EPHA3: variants seen among roughly 807,000 people sequenced by gnomAD.
EPHA3 encodes the protein EPH receptor A3.
EPHA3 carries 42 observed loss-of-function variants against 107.1 expected under a neutral mutation model. The ratio of observed to expected loss-of-function variants is 0.39; its 90% CI spans 0.31 to 0.51. The LOEUF (loss-of-function observed/expected upper bound fraction) is 0.51. Among genes scored for constraint, EPHA3 ranks in the 20% least tolerant of loss-of-function variants. EPHA3 has a pLI of 0.78. For synonymous variants in EPHA3, 461 were observed against 424.8 expected (o/e 1.09, Z -1.05); for missense variants, 1,183 against 1,211.2 (o/e 0.98, Z 0.35).
intron 3 of EPHA3, among the ~76,000 whole-genome samples, chr3:89,337,003 T>C (rs1361841036): frequency 6.6e-6 from 1 of 150,748 alleles, no homozygotes; most frequent in African/African-American, 2.4e-5. Context: ...TGAGCTGTCA[T>C]CATGCCTCTG....
intron 3 of EPHA3, among the ~76,000 whole-genome samples, chr3:89,211,811 TC>T (rs1704106046): frequency 2.0e-5 from 2 of 98,088 alleles, no homozygotes; most frequent in African/African-American, 5.2e-5. Flanking sequence ...TTCTTCTTCT[TC>T]TTCTTCTCCT....
intron 3 of EPHA3, among the ~76,000 whole-genome samples, chr3:89,232,181 T>A (rs1328252835): frequency 1.3e-5 from 2 of 152,082 alleles, no homozygotes; most frequent in Non-Finnish European, 2.9e-5. Flanking sequence ...GAGACTAAAA[T>A]AACACATATT....
At chr3:89,429,045 A>G in intron 11 of EPHA3, 61 bp from the exon 12 acceptor site, 7 of 1,151,624 alleles carry the variant, frequency 6.1e-6, no homozygotes, top group Admixed American at 1.8e-5. Flanking sequence ...TATATTATAT[A>G]TGTTCATTGT....
intron 2 of EPHA3, among the ~76,000 whole-genome samples, chr3:89,206,549 T>G (rs1220037457): frequency 6.6e-6 from 1 of 152,194 alleles, no homozygotes; most frequent in African/African-American, 2.4e-5. Context: ...GCTACATCTG[T>G]ACTTTAAAAT....
chr3:89,303,956 G>C (rs1706551318), intron 3 of EPHA3, among the ~76,000 whole-genome samples: 1 of 152,048 alleles, frequency 6.6e-6, no homozygotes, highest in Non-Finnish European at 1.5e-5. Context: ...CATTCTGTGT[G>C]GGTTTTGAAC....
chr3:89,124,002 T>A (rs1704029820), intron 1 of EPHA3, among the ~76,000 whole-genome samples: 1 of 152,198 alleles, frequency 6.6e-6, no homozygotes, highest in South Asian at 2.1e-4. Context: ...TATGTTCCTA[T>A]CTAGCCTTAA....
chr3:89,422,634 A>C (rs1709373409), intron 11 of EPHA3, among the ~76,000 whole-genome samples: 1 of 151,474 alleles, frequency 6.6e-6, no homozygotes, highest in Admixed American at 6.6e-5. Flanking sequence ...AGAACTGTGC[A>C]AATCTAAATT....
intron 2 of EPHA3, among the ~76,000 whole-genome samples, chr3:89,191,473 A>T (rs1033926634): frequency 1.3e-5 from 2 of 151,702 alleles, no homozygotes; most frequent in African/African-American, 4.8e-5. Flanking sequence ...CGCCCGGCTA[A>T]TTTTTTGTAT....
chr3:89,296,020 C>T (rs1327532524), intron 3 of EPHA3, among the ~76,000 whole-genome samples: 1 of 152,186 alleles, frequency 6.6e-6, no homozygotes, highest in East Asian at 1.9e-4. Context: ...AAGATTGTAG[C>T]ACTTCAGACA....
At chr3:89,148,962 A>G (rs1369530816) in intron 2 of EPHA3, among the ~76,000 whole-genome samples, 1 of 152,070 alleles carries the variant, frequency 6.6e-6, no homozygotes, top group Non-Finnish European at 1.5e-5. Flanking sequence ...AAAAATAGAC[A>G]TCAGGAACCT....
chr3:89,326,981 G>A (rs1238814949), intron 3 of EPHA3, among the ~76,000 whole-genome samples: 1 of 152,026 alleles, frequency 6.6e-6, no homozygotes, highest in Non-Finnish European at 1.5e-5. Flanking sequence ...GAATTGCTGT[G>A]GAGAGATGAA....
At chr3:89,453,157 T>G (rs73846173) in intron 15 of EPHA3, among the ~76,000 whole-genome samples, 4,937 of 152,170 alleles carry the variant, frequency 0.032, 271 homozygotes, top group African/African-American at 0.11. Flanking sequence ...CATATGGTCC[T>G]CATTCTGTAC....
At chr3:89,359,188 G>A (rs1483826645) in intron 5 of EPHA3, among the ~76,000 whole-genome samples, 2 of 151,044 alleles carry the variant, frequency 1.3e-5, no homozygotes, top group East Asian at 3.9e-4. Context: ...CTAAAGTTTA[G>A]AAATGTTTAG....
chr3:89,386,929 C>A (rs1453122789), intron 5 of EPHA3, among the ~76,000 whole-genome samples: 3 of 152,134 alleles, frequency 2.0e-5, no homozygotes, highest in African/African-American at 7.2e-5. Context: ...TTTGTTTTGG[C>A]CAACTTATTT....
At chr3:89,303,277 C>T (rs984430407) in intron 3 of EPHA3, among the ~76,000 whole-genome samples, 4 of 151,892 alleles carry the variant, frequency 2.6e-5, no homozygotes, top group African/African-American at 9.7e-5. Flanking sequence ...CTCCTTATTG[C>T]TTTTTCTATT....
chr3:89,356,082 T>C (rs1707947426), intron 5 of EPHA3, among the ~76,000 whole-genome samples: 1 of 147,200 alleles, frequency 6.8e-6, no homozygotes, highest in Admixed American at 6.9e-5. Context: ...GAATATACAG[T>C]GTTTGGTTTT....
intron 6 of EPHA3, among the ~76,000 whole-genome samples, chr3:89,396,513 TA>T (rs964106145): frequency 1.3e-5 from 2 of 151,896 alleles, no homozygotes; most frequent in Admixed American, 6.6e-5. Flanking sequence ...ATGCAATTAT[TA>T]AAAAAAATAG....
At chr3:89,442,062 T>C (rs577920954) in intron 13 of EPHA3, among the ~76,000 whole-genome samples, 1 of 151,894 alleles carries the variant, frequency 6.6e-6, no homozygotes, top group Admixed American at 6.6e-5. Context: ...CTCCATTTAA[T>C]AAAAAAATTG....
At chr3:89,195,916 C>T (rs1341596771) in intron 2 of EPHA3, among the ~76,000 whole-genome samples, 1 of 152,102 alleles carries the variant, frequency 6.6e-6, no homozygotes. Flanking sequence ...CCCCACTGTT[C>T]TAATTTTCTA....
Sources: gnomAD v4.1 joint callset for allele counts (sites outside exome capture counted in the v4.1 genomes callset) on GRCh38, gnomAD v4.1.1 for gene constraint, MANE v1.5 for transcripts, NCBI Gene and HGNC (gene_info 2026-07-23, HGNC 2026-07-21) for gene names.